SYCE1L: variants seen among roughly 807,000 people sequenced by gnomAD.
The protein encoded by SYCE1L is synaptonemal complex central element protein 1-like.
A neutral mutation model predicts 39.6 loss-of-function variants in SYCE1L; 51 were observed. The observed-to-expected ratio is 1.29, with a 90% CI of 1.03 to 1.63. SYCE1L has a LOEUF of 1.63. Among genes scored for constraint, SYCE1L ranks in the 40% most tolerant of loss-of-function variants. The probability of loss-of-function intolerance (pLI) is 0.00; values close to 1 mark genes in which losing one functional copy is unlikely to be tolerated. For missense variants in SYCE1L, 426 were observed against 304.9 expected (o/e 1.40, Z -2.96); for synonymous variants, 147 against 122.4 (o/e 1.20, Z -1.33).
chr16:77,211,401 C>T lies in SYCE1L; in HGVS notation c.423+125C>T, dbSNP rs1205035435. On this transcript the variant is annotated intron_variant, in intron 7 of 10. Transcript: ENST00000378644. ...GGGATAGTCCTTGATTCCTTGCTTCCGCTTGCCCACCTATTCAGTCCCTCA... is the reference window on the plus strand; with the variant it reads ...GGGATAGTCCTTGATTCCTTGCTTCTGCTTGCCCACCTATTCAGTCCCTCA... 1.8e-5 allele frequency: 21 copies of T among 1,143,654 alleles called. No individual in the cohort carries two copies. In the East Asian group the frequency reaches 3.1e-4, roughly 17 times the overall value. 70.8% of individuals were successfully genotyped at this position (1,143,654 alleles called of 1,614,324 possible).
At chr16:77,209,318 G>T in intron 5 of SYCE1L, 99 bp from the exon 6 acceptor site, 1 of 1,406,866 alleles carries the variant, frequency 7.1e-7, no homozygotes, top group Non-Finnish European at 9.8e-7. Flanking sequence ...AGTCCTCACA[G>T]TGCCCTCCAA....
chr16:77,208,278 G>C lies in SYCE1L; in HGVS notation c.181+9G>C. The stretch of plus-strand genomic sequence containing the variant: ...TAATGATCTTCAGCAAGGTAAACTT[G>C]GGGACTTAGACTGGCCAGCTGGGGC... On this transcript the variant is annotated intron_variant, in intron 3 of 10. Transcript: ENST00000378644. The C allele has an allele frequency of 6.4e-7, 1 of 1,551,622 alleles. No individual in the cohort carries two copies.
In SYCE1L at chr16:77,212,957, C is replaced by G; in HGVS notation, c.*26C>G. On this transcript the variant is annotated 3_prime_UTR_variant, in exon 11 of 11. Transcript: ENST00000378644. ...GCCAGCAGGACCCGCCCGTTCCCGA[C>G]CTTCCCTCGAGACCCGCCAAGAAAT... 1 of 1,472,560 alleles carries G rather than the reference C, an allele frequency of 6.8e-7. No individual in the cohort carries two copies. Among genetic ancestry groups the G allele is most frequent in the Non-Finnish European group, 9.0e-7 (1 of 1,111,640 alleles). The allele number at this position is 1,472,560 out of a possible 1,614,324, so 91.2% of individuals were successfully genotyped here. A position where few individuals can be genotyped will look rare whatever the true frequency, so the allele number is the denominator to read the frequency against.
intron 10 of SYCE1L, 43 bp from the exon 11 acceptor site, chr16:77,212,814 G>T (rs1195475023): frequency 6.9e-6 from 10 of 1,440,510 alleles, no homozygotes; most frequent in Non-Finnish European, 9.1e-6. Context: ...CGGACGCGAG[G>T]AGCGTAGGAA....
rs368565145 is a variant in SYCE1L at position 77,208,248 on chromosome 16, C to T, written c.160C>T (p.Arg54Trp). The T allele has an allele frequency of 8.1e-5, 125 of 1,551,620 alleles. 1 individual carries two copies. The East Asian group carries it at 1.3e-3, about 17-fold the overall frequency. The change falls in exon 3 of 11, where the codon CGG becomes TGG. Residue 54 changes from arginine to tryptophan, a missense_variant. Transcript: ENST00000378644. ...GCCACAGATAGAGGACCTGATTAGC[C>T]GGATTAATGATCTTCAGCAAGGTAA... is the stretch of plus-strand genomic sequence containing the variant. The part of the protein sequence containing the change: ...LEPQIEDLIS[R>W]INDLQQAKKK...
intron 6 of SYCE1L, 150 bp from the exon 7 acceptor site, chr16:77,211,063 C>G (rs2054818770): frequency 6.4e-6 from 5 of 786,896 alleles, no homozygotes; most frequent in Non-Finnish European, 1.0e-5. Context: ...GGAAGAGGTG[C>G]TACGGGAACC....
chr16:77,208,006 ATTGAT>A (rs1230061070), intron 2 of SYCE1L, among the ~76,000 whole-genome samples, 199 bp from the exon 3 acceptor site: 1 of 152,170 alleles, frequency 6.6e-6, no homozygotes, highest in Non-Finnish European at 1.5e-5. Flanking sequence ...TGCCACCTGA[ATTGAT>A]TTATTTATCT....
intron 1 of SYCE1L, among the ~76,000 whole-genome samples, chr16:77,205,056 A>AAAAAAAAAGAAAAG (rs1471925292): frequency 3.6e-5 from 5 of 140,666 alleles, no homozygotes; most frequent in East Asian, 2.2e-4. Context: ...AAAAAAAAAA[A>AAAAAAAAAGAAAAG]AAAAGAAAAG....
chr16:77,206,528 C>T, intron 2 of SYCE1L, 28 bp downstream of exon 2: 1 of 1,551,012 alleles, frequency 6.4e-7, no homozygotes, highest in East Asian at 2.4e-5. Flanking sequence ...TTCTGAGCCT[C>T]AGCCTGGGGT....
chr16:77,205,433 A>AATACATATATATATATATATGTATAT (rs1555502776), intron 1 of SYCE1L, among the ~76,000 whole-genome samples: 5 of 145,262 alleles, frequency 3.4e-5, no homozygotes, highest in Admixed American at 6.9e-5. Context: ...CATAGAAGTA[A>AATACATATATATATATATATGTATAT]ATATATATAT....
At chr16:77,199,584 A>C in intron 1 of SYCE1L, 72 bp downstream of exon 1, 2 of 1,163,584 alleles carry the variant, frequency 1.7e-6, no homozygotes, top group Non-Finnish European at 2.4e-6. Flanking sequence ...TCGTCCCATT[A>C]CAATAATGAA....
intron 1 of SYCE1L, among the ~76,000 whole-genome samples, chr16:77,202,998 A>G (rs1597381991): frequency 1.3e-5 from 2 of 152,346 alleles, no homozygotes; most frequent in Admixed American, 6.5e-5. Context: ...AATATTAAGA[A>G]TATTTTTAAA....
In SYCE1L at chr16:77,212,113, C is replaced by G; in HGVS notation, c.424-17C>G. On this transcript the variant is annotated splice_polypyrimidine_tract_variant and intron_variant, in intron 7 of 10. Coordinates refer to ENST00000378644, the MANE Select transcript of SYCE1L (RefSeq NM_001129979.3). ...AGAGGACGGCCAAACGGGGAGGCCTCCTCTTTGTCCTCGCAGATGCTGGAG... is the reference window on the plus strand; with the variant it reads ...AGAGGACGGCCAAACGGGGAGGCCTGCTCTTTGTCCTCGCAGATGCTGGAG... The G allele has an allele frequency of 6.5e-7, 1 of 1,545,794 alleles. No homozygotes were observed. Among genetic ancestry groups the G allele is most frequent in the Non-Finnish European group, 8.7e-7 (1 of 1,145,102 alleles).
chr16:77,201,043 A>G (rs962339635), intron 1 of SYCE1L: 2 of 152,332 alleles, frequency 1.3e-5, no homozygotes, highest in Middle Eastern at 6.8e-3. Flanking sequence ...CAAAGTAATG[A>G]TTATTGCTTA....
chr16:77,212,450 C>T (rs2054831339), intron 9 of SYCE1L, 81 bp downstream of exon 9: 4 of 1,537,272 alleles, frequency 2.6e-6, no homozygotes, highest in Admixed American at 2.0e-5. Flanking sequence ...GCTCCGCCCC[C>T]GACTGCCGCT....
chr16:77,204,448 G>C (rs1315342034), intron 1 of SYCE1L, among the ~76,000 whole-genome samples: 1 of 152,284 alleles, frequency 6.6e-6, no homozygotes, highest in East Asian at 1.9e-4. Context: ...GGGAAATATA[G>C]ACACATAAAG....
At position 77,212,570 on chromosome 16, in the gene SYCE1L, G is replaced by A; in HGVS notation, c.582-4G>A. The A allele has an allele frequency of 6.5e-7, 1 of 1,536,540 alleles. No homozygotes were observed. The highest frequency in any genetic ancestry group is 8.7e-7 in the Non-Finnish European group (1 of 1,146,570). ...CTCCTGTCTCCTCGGCCCCTTCTCC[G>A]CAGGCTGAAGGCGGAGCTGGAGATA... On this transcript the variant is annotated splice_region_variant and splice_polypyrimidine_tract_variant and intron_variant, in intron 9 of 10. Coordinates refer to ENST00000378644, the MANE Select transcript of SYCE1L (RefSeq NM_001129979.3).
At chr16:77,201,234 G>A in intron 1 of SYCE1L, 1 of 152,150 alleles carries the variant, frequency 6.6e-6, no homozygotes, top group East Asian at 1.9e-4. Context: ...CTAAGTGCCA[G>A]CATTCAACAA....
intron 1 of SYCE1L, chr16:77,200,978 A>T (rs1372587253): frequency 1.3e-5 from 2 of 152,076 alleles, no homozygotes; most frequent in Non-Finnish European, 2.9e-5. Flanking sequence ...TCTTTAAACC[A>T]CTGTATTAAC....
Sources: gnomAD v4.1 joint callset for allele counts (sites outside exome capture counted in the v4.1 genomes callset) on GRCh38, gnomAD v4.1.1 for gene constraint, MANE v1.5 for transcripts, NCBI Gene and HGNC (gene_info 2026-07-23, HGNC 2026-07-21) for gene names.